The following HPRT1 variants were observed in gnomAD, a reference collection of about 807,000 sequenced individuals.
HPRT1 encodes hypoxanthine-guanine phosphoribosyltransferase.
In HPRT1, 4 loss-of-function variants were observed where a neutral mutation model predicts 19.0. That is an observed-to-expected ratio of 0.21 (90% confidence interval 0.10 to 0.48). The LOEUF (loss-of-function observed/expected upper bound fraction) is 0.48. Ranked by LOEUF, HPRT1 falls within the 20% of genes least tolerant of loss-of-function variation. HPRT1 has a pLI of 0.98. For missense variants in HPRT1, 65 were observed against 164.0 expected, an observed-to-expected ratio of 0.40 and a Z score of 3.30; for synonymous variants, 53 against 54.9, an observed-to-expected ratio of 0.97 and a Z score of 0.15.
intron 3 of HPRT1, among the ~76,000 whole-genome samples, chrX:134,480,801 GTA>G (rs1266334876): frequency 9.2e-5 from 9 of 98,004 alleles, no homozygotes; most frequent in Admixed American, 7.7e-4. Context: ...ACACATATGT[GTA>G]TTTGTGTGTG....
At chrX:134,477,049 ATTTTAT>A (rs1473342092) in intron 3 of HPRT1, among the ~76,000 whole-genome samples, 9 of 97,245 alleles carry the variant, frequency 9.3e-5, no homozygotes, top group Non-Finnish European at 1.2e-4. Flanking sequence ...ATTTTATTTT[ATTTTAT>A]TTTATTTATT....
At chrX:134,485,294 C>T (rs1215833999) in intron 3 of HPRT1, among the ~76,000 whole-genome samples, 3 of 111,518 alleles carry the variant, frequency 2.7e-5, no homozygotes, top group African/African-American at 9.8e-5. Context: ...GTTCATTCTC[C>T]ATTTTCCTAT....
At chrX:134,468,606 T>A (rs2077603107) in intron 1 of HPRT1, among the ~76,000 whole-genome samples, 1 of 105,246 alleles carries the variant, frequency 9.5e-6, no homozygotes, top group African/African-American at 3.5e-5. Flanking sequence ...AAATACAAAA[T>A]TAGCCGGGCG....
At chrX:134,470,963 A>T (rs935356040) in intron 1 of HPRT1, among the ~76,000 whole-genome samples, 2 of 109,287 alleles carry the variant, frequency 1.8e-5, no homozygotes, top group African/African-American at 6.6e-5. Flanking sequence ...GAAAGTGTCA[A>T]GACCCCACTT....
At chrX:134,497,264 G>A (rs2077683215) in intron 6 of HPRT1, among the ~76,000 whole-genome samples, 1 of 111,010 alleles carries the variant, frequency 9.0e-6, no homozygotes, top group African/African-American at 3.3e-5. Context: ...AAGAAGTCAA[G>A]GCTGCAGTGA....
intron 8 of HPRT1, 134 bp from the exon 9 acceptor site, chrX:134,499,896 T>TA: frequency 2.1e-6 from 1 of 487,600 alleles, no homozygotes; most frequent in Non-Finnish European, 3.7e-6. Flanking sequence ...GTTACTGATC[T>TA]AAAATACAGT....
chrX:134,475,790 C>T (rs1187993668), intron 3 of HPRT1, among the ~76,000 whole-genome samples: 1 of 109,260 alleles, frequency 9.2e-6, no homozygotes, highest in African/African-American at 3.3e-5. Flanking sequence ...AGAAATCCCC[C>T]TTTTTTTTTA....
intron 1 of HPRT1, among the ~76,000 whole-genome samples, chrX:134,472,176 A>G (rs1602739766): frequency 9.1e-6 from 1 of 109,885 alleles, no homozygotes; most frequent in Non-Finnish European, 1.9e-5. Flanking sequence ...GTCTTGCTAC[A>G]TTCCCCATGT....
At chrX:134,482,651 A>T (rs1602744092) in intron 3 of HPRT1, among the ~76,000 whole-genome samples, 1 of 111,423 alleles carries the variant, frequency 9.0e-6, no homozygotes, top group South Asian at 3.7e-4. Flanking sequence ...GCTGTGCTTC[A>T]TCAGTGTCGT....
chrX:134,464,100 T>A (rs1233341806), intron 1 of HPRT1, among the ~76,000 whole-genome samples: 1 of 111,853 alleles, frequency 8.9e-6, no homozygotes, highest in African/African-American at 3.2e-5. Context: ...TTCATGTCCT[T>A]ACACATGTAG....
intron 6 of HPRT1, among the ~76,000 whole-genome samples, chrX:134,496,677 C>G (rs910861252): frequency 2.7e-5 from 3 of 111,966 alleles, no homozygotes; most frequent in Admixed American, 9.5e-5. Flanking sequence ...TTAGATGATC[C>G]CTTGGAGTCT....
chrX:134,491,378 A>T (rs1240127935), intron 5 of HPRT1, among the ~76,000 whole-genome samples: 2 of 111,307 alleles, frequency 1.8e-5, no homozygotes, highest in Non-Finnish European at 3.8e-5. Flanking sequence ...AATTGTATGG[A>T]TAGACAGGTG....
At chrX:134,494,115 C>G (rs1343327123) in intron 6 of HPRT1, among the ~76,000 whole-genome samples, 3 of 111,886 alleles carry the variant, frequency 2.7e-5, no homozygotes, top group Admixed American at 9.5e-5. Flanking sequence ...TTTCATCTCT[C>G]AACAACTCTG....
At chrX:134,464,514 A>G (rs1360719910) in intron 1 of HPRT1, among the ~76,000 whole-genome samples, 5 of 112,175 alleles carry the variant, frequency 4.5e-5, no homozygotes, top group Non-Finnish European at 9.4e-5. Flanking sequence ...ACTAGGAATT[A>G]AATAAAATAT....
intron 3 of HPRT1, among the ~76,000 whole-genome samples, chrX:134,481,097 A>AT (rs1380116855): frequency 8.5e-5 from 9 of 105,516 alleles, no homozygotes; most frequent in African/African-American, 1.4e-4. Flanking sequence ...ATAGTTACCC[A>AT]TTTTTTTTTT....
At chrX:134,492,662 A>G in intron 5 of HPRT1, 2 of 267,663 alleles carry the variant, frequency 7.5e-6, no homozygotes, top group South Asian at 3.8e-5. Context: ...CAAAACCAGC[A>G]GGAGAATCTT....
At chrX:134,483,076 A>G (rs2077644149) in intron 3 of HPRT1, among the ~76,000 whole-genome samples, 1 of 110,896 alleles carries the variant, frequency 9.0e-6, no homozygotes, top group Non-Finnish European at 1.9e-5. Flanking sequence ...TTCACTGCAG[A>G]AAGCAAGCTA....
intron 3 of HPRT1, among the ~76,000 whole-genome samples, chrX:134,477,733 G>A (rs997611992): frequency 2.7e-5 from 3 of 112,102 alleles, no homozygotes; most frequent in Non-Finnish European, 5.6e-5. Context: ...GAATGCAGTA[G>A]CAAGATCACA....
intron 6 of HPRT1, among the ~76,000 whole-genome samples, chrX:134,494,276 G>C (rs1420959319): frequency 8.9e-6 from 1 of 112,216 alleles, no homozygotes; most frequent in Admixed American, 9.5e-5. Context: ...GTTTTTAATA[G>C]AGTGACATCA....
Sources: gnomAD v4.1 joint callset for allele counts (sites outside exome capture counted in the v4.1 genomes callset) on GRCh38, gnomAD v4.1.1 for gene constraint, MANE v1.5 for transcripts, NCBI Gene and HGNC (gene_info 2026-07-23, HGNC 2026-07-21) for gene names.